The following MCCC2 variants were observed in gnomAD, a reference collection of about 807,000 sequenced individuals.
MCCC2 encodes methylcrotonyl-CoA carboxylase subunit 2.
A neutral mutation model predicts 77.2 loss-of-function variants in MCCC2; 52 were observed. The ratio of observed to expected loss-of-function variants is 0.67; its 90% CI spans 0.54 to 0.85. MCCC2 has a LOEUF of 0.85. MCCC2 is among the 40% of genes least tolerant of loss of function. The pLI is 0.00. For synonymous variants in MCCC2, 253 were observed against 248.4 expected (o/e 1.02, Z -0.18); for missense variants, 682 against 703.2 (o/e 0.97, Z 0.34).
intron 5 of MCCC2, 84 bp from the exon 6 acceptor site, chr5:71,604,272 T>C (rs1745575363): frequency 2.6e-6 from 3 of 1,165,194 alleles, no homozygotes; most frequent in East Asian, 2.4e-5. Flanking sequence ...GATTAAGAAC[T>C]GATGCTGTCA....
intron 16 of MCCC2, among the ~76,000 whole-genome samples, chr5:71,654,456 T>C (rs1009201458): frequency 2.6e-5 from 4 of 152,166 alleles, no homozygotes; most frequent in Admixed American, 2.6e-4. Flanking sequence ...TATCATCGTG[T>C]AAACAGACAT....
At chr5:71,636,830 G>C (rs1476509063) in intron 10 of MCCC2, 1 of 151,628 alleles carries the variant, frequency 6.6e-6, no homozygotes, top group East Asian at 2.0e-4. Flanking sequence ...TGCAACCACT[G>C]CTTCCCAGGT....
chr5:71,628,958 C>T (rs868336407), intron 7 of MCCC2, among the ~76,000 whole-genome samples: 12 of 152,112 alleles, frequency 7.9e-5, no homozygotes, highest in African/African-American at 2.4e-4. Context: ...GTAATCCCAG[C>T]GCTTTGGGAG....
chr5:71,608,775 A>G (rs1006024054), intron 6 of MCCC2, among the ~76,000 whole-genome samples: 1 of 152,090 alleles, frequency 6.6e-6, no homozygotes, highest in African/African-American at 2.4e-5. Flanking sequence ...TGGTGACAGA[A>G]TCTCTCAGCA....
intron 11 of MCCC2, among the ~76,000 whole-genome samples, chr5:71,641,742 A>G (rs1208972653): frequency 6.6e-6 from 1 of 152,246 alleles, no homozygotes; most frequent in Non-Finnish European, 1.5e-5. Context: ...TTACTTGTTC[A>G]TAAAAAACTT....
At chr5:71,649,928 T>G in intron 14 of MCCC2, 141 bp from the exon 15 acceptor site, 1 of 711,672 alleles carries the variant, frequency 1.4e-6, no homozygotes. Context: ...TCCAGGCATT[T>G]GTATATTTGT....
intron 5 of MCCC2, chr5:71,602,935 C>T: frequency 2.8e-6 from 1 of 354,150 alleles, no homozygotes. Context: ...ATGGATCATA[C>T]TATGAAAAAA....
At chr5:71,638,747 C>G (rs1747014524) in intron 10 of MCCC2, among the ~76,000 whole-genome samples, 1 of 152,218 alleles carries the variant, frequency 6.6e-6, no homozygotes, top group African/African-American at 2.4e-5. Context: ...TCTTGAACTC[C>G]TGACCTCAGG....
At position 71,598,271 on chromosome 5, in the gene MCCC2, A is replaced by G. The variant is rs1489741253; in HGVS notation, c.282-1388A>G. Among the ~76,000 whole-genome samples the G allele has an allele frequency of 2.6e-5, 4 of 151,600 alleles. 1 individual carries two copies. Among genetic ancestry groups the G allele is most frequent in the Admixed American group, 1.3e-4 (2 of 15,230 alleles). On this transcript the variant is annotated intron_variant, in intron 3 of 16. Coordinates refer to ENST00000340941, the MANE Select transcript of MCCC2 (RefSeq NM_022132.5). ...TTTTTAGTAGAGACGGGGTTTCACC[A>G]TGTTGCCCAGGATGGTCTCAATCTC...
At chr5:71,618,462 A>ATTCT (rs139967297) in intron 6 of MCCC2, among the ~76,000 whole-genome samples, 22 of 150,334 alleles carry the variant, frequency 1.5e-4, no homozygotes, top group African/African-American at 5.4e-4. Flanking sequence ...TCTTTTTTAA[A>ATTCT]TTCTTTCTTT....
intron 8 of MCCC2, among the ~76,000 whole-genome samples, chr5:71,633,106 TATATATATATATA>T (rs1561841258): frequency 4.6e-4 from 10 of 21,804 alleles, no homozygotes; most frequent in Non-Finnish European, 1.0e-3. Flanking sequence ...TATATATATA[TATATATATATATA>T]TATATATATA....
chr5:71,622,761 T>A (rs551589884), intron 6 of MCCC2, among the ~76,000 whole-genome samples: 29 of 152,350 alleles, frequency 1.9e-4, no homozygotes, highest in African/African-American at 6.5e-4. Context: ...TGCCTTAGCC[T>A]CCTGAGTAGC....
chr5:71,613,276 C>G (rs915431375), intron 6 of MCCC2, among the ~76,000 whole-genome samples: 3 of 152,240 alleles, frequency 2.0e-5, no homozygotes, highest in Admixed American at 6.5e-5. Flanking sequence ...CTATAGCCCT[C>G]TATCATCTAA....
rs1747121864 is a variant in MCCC2 at position 71,641,473 on chromosome 5, G to A, written c.1072+398G>A. On this transcript the variant is annotated intron_variant, in intron 11 of 16. Transcript: ENST00000340941. ...CAATTCAACGAGGAAGTTTTATATTGTGTTTAGCTTCCCAGAAGGATATAG... is the reference window on the plus strand; with the variant it reads ...CAATTCAACGAGGAAGTTTTATATTATGTTTAGCTTCCCAGAAGGATATAG... The A allele has an allele frequency of 2.7e-5, 7 of 259,372 alleles. No homozygotes were observed. The Admixed American group carries it at 3.6e-4, about 13-fold the overall frequency. 16.1% of individuals were successfully genotyped at this position (259,372 alleles called of 1,614,324 possible).
chr5:71,649,173 T>G lies in MCCC2; in HGVS notation c.1293T>G (p.Cys431Trp). ...DGAKMVAAVA[C>W]AQVPKITLII... ...CCAAGATGGTGGCCGCTGTGGCCTG[T>G]GCCCAAGTGCCTAAGATAACCCTCA... The change falls in exon 14 of 17, where the codon TGT becomes TGG. Residue 431 changes from cysteine (C) to tryptophan (W), a missense_variant. Physicochemically the swap from Cys to Trp is radical, Grantham distance 215. Coordinates refer to ENST00000340941, the MANE Select transcript of MCCC2 (RefSeq NM_022132.5). The G allele has an allele frequency of 6.2e-7, 1 of 1,614,222 alleles. No homozygotes were observed. The highest frequency in any genetic ancestry group is 1.3e-5 in the African/African-American group (1 of 75,076).
intron 6 of MCCC2, among the ~76,000 whole-genome samples, chr5:71,614,181 G>A (rs998616448): frequency 3.3e-5 from 5 of 151,966 alleles, no homozygotes; most frequent in Admixed American, 3.3e-4. Flanking sequence ...AGTTTCCATA[G>A]TATCTGTTCT....
chr5:71,605,389 A>C (rs1414604005), intron 6 of MCCC2, among the ~76,000 whole-genome samples: 1 of 151,994 alleles, frequency 6.6e-6, no homozygotes, highest in Non-Finnish European at 1.5e-5. Context: ...TCTTCTGAGA[A>C]GTGTCTGTTC....
At chr5:71,644,003 C>A in intron 12 of MCCC2, 108 bp downstream of exon 12, 1 of 1,357,428 alleles carries the variant, frequency 7.4e-7, no homozygotes, top group Non-Finnish European at 1.0e-6. Flanking sequence ...AACTAGATGC[C>A]TCAGCAACCA....
Position 71,610,246 on chromosome 5 carries a change from C to A in MCCC2, c.624+5778C>A, listed in dbSNP as rs1191929970. On this transcript the variant is annotated intron_variant, in intron 6 of 16. Transcript: ENST00000340941. ...CTCCGTGGGCGTAGGACCCTCCGAG[C>A]CAGGTGCGGGATATAATCTCCTGGT... is the stretch of plus-strand genomic sequence containing the variant. 2.6e-5 allele frequency among the ~76,000 whole-genome samples: 4 copies of A among 152,350 alleles called. No homozygotes were observed. In the South Asian group the frequency reaches 8.3e-4, roughly 32 times the overall value.
Sources: gnomAD v4.1 joint callset for allele counts (sites outside exome capture counted in the v4.1 genomes callset) on GRCh38, gnomAD v4.1.1 for gene constraint, MANE v1.5 for transcripts, NCBI Gene and HGNC (gene_info 2026-07-23, HGNC 2026-07-21) for gene names.